Variants in WASF2 observed in about 807,000 individuals in gnomAD.
The protein encoded by WASF2 is WASP family member 2.
In WASF2, 14 loss-of-function variants were observed where a neutral mutation model predicts 45.0. The observed-to-expected ratio is 0.31, with a 90% CI of 0.21 to 0.49. WASF2 has a LOEUF of 0.49. Ranked by LOEUF, WASF2 falls within the 20% of genes least tolerant of loss-of-function variation. The pLI, the probability that WASF2 is intolerant of heterozygous loss-of-function variation, is 0.99. For synonymous variants in WASF2, 200 were observed against 236.3 expected, an observed-to-expected ratio of 0.85 and a Z score of 1.41; for missense variants, 439 against 636.1, an observed-to-expected ratio of 0.69 and a Z score of 3.33.
chr1:27,404,468 G>A lies in WASF2; in HGVS notation c.*3721C>T, dbSNP rs1479466466. ...GAGGAAAGGGTCACTTTAGGGGTCT[G>A]GCTTAACCCACTGCCTAGATCTCCA... is the stretch of plus-strand genomic sequence containing the variant. On this transcript the variant is annotated 3_prime_UTR_variant, in exon 9 of 9. Transcript: ENST00000618852. The A allele has an allele frequency of 6.6e-6, 1 of 152,134 alleles. No homozygotes were observed. Among genetic ancestry groups the A allele is most frequent in the East Asian group, 1.9e-4 (1 of 5,184 alleles). 9.4% of individuals were successfully genotyped at this position (152,134 alleles called of 1,614,324 possible).
intron 1 of WASF2, among the ~76,000 whole-genome samples, chr1:27,455,342 C>A (rs1298292236): frequency 6.6e-6 from 1 of 152,058 alleles, no homozygotes; most frequent in Non-Finnish European, 1.5e-5. Flanking sequence ...TAATAATTAA[C>A]CAGATGAAGT....
intron 2 of WASF2, among the ~76,000 whole-genome samples, chr1:27,428,250 A>G (rs2017014100): frequency 6.6e-6 from 1 of 152,210 alleles, no homozygotes; most frequent in Admixed American, 6.5e-5. Flanking sequence ...CAGGGTGGAC[A>G]AGTCAGTCAG....
rs1028315016 is a variant in WASF2, at chr1:27,461,508, T to G, written c.-44+28478A>C. ...CGGAGTCTCGCTCTGTCTCCCCGGC[T>G]GGAGTGCAGTGACGACGGATCTTGG... On this transcript the variant is annotated intron_variant, in intron 1 of 8. Transcript: ENST00000618852. Among the ~76,000 whole-genome samples the G allele has an allele frequency of 1.8e-4, 27 of 150,070 alleles. 1 individual carries two copies. The Middle Eastern group carries it at 0.01, about 57-fold the overall frequency.
intron 1 of WASF2, chr1:27,459,317 T>A (rs1440386824): frequency 1.3e-5 from 2 of 152,072 alleles, no homozygotes; most frequent in African/African-American, 2.4e-5. Context: ...TGTGCCATCA[T>A]ACCTGGCTAA....
intron 1 of WASF2, among the ~76,000 whole-genome samples, chr1:27,437,338 G>A (rs896841061): frequency 6.6e-6 from 1 of 152,146 alleles, no homozygotes; most frequent in Non-Finnish European, 1.5e-5. Flanking sequence ...TGGAAACCTG[G>A]ATTCTAGCTT....
chr1:27,419,879 G>C (rs1054204621), intron 2 of WASF2, among the ~76,000 whole-genome samples: 2 of 151,926 alleles, frequency 1.3e-5, no homozygotes, highest in Non-Finnish European at 2.9e-5. Context: ...AGGTGGGAAG[G>C]TTCCTTTATG....
chr1:27,454,485 C>G (rs2017440852), intron 1 of WASF2, among the ~76,000 whole-genome samples: 2 of 151,958 alleles, frequency 1.3e-5, no homozygotes, highest in East Asian at 3.9e-4. Context: ...CACAGGCAGG[C>G]ACCACCAATG....
At chr1:27,453,460 T>G (rs555875809) in intron 1 of WASF2, among the ~76,000 whole-genome samples, 2 of 151,244 alleles carry the variant, frequency 1.3e-5, no homozygotes, top group East Asian at 3.9e-4. Context: ...GGTGTGGTGG[T>G]GGACGCCTGT....
Position 27,410,190 on chromosome 1 carries a change from G to C in WASF2, c.841C>G (p.Gln281Glu). Residue 281 changes from glutamine to glutamate, a missense_variant, in exon 8 of 9, where the codon CAA becomes GAA. This residue lies in a region of WASF2 where 286 missense variants were observed against 373.5 expected (regional missense o/e 0.77). Transcript: ENST00000618852. This position sits in a 1 kb window ranked among gnomAD's most constrained non-coding sequence, Gnocchi z 4.2. ...PAEFSYPVDN[Q>E]RGSGLAGPKR... ...GGTCCAGCCAAACCAGATCCTCTTT[G>C]GTTGTCCACTGGGTAACTAAAAGGC... The C allele has an allele frequency of 1.2e-6, 2 of 1,614,058 alleles. No homozygotes were observed. Among genetic ancestry groups the C allele is most frequent in the African/African-American group, 1.3e-5 (1 of 74,992 alleles).
intron 1 of WASF2, among the ~76,000 whole-genome samples, chr1:27,482,222 G>C (rs1307173508): frequency 1.3e-5 from 2 of 152,198 alleles, no homozygotes; most frequent in Admixed American, 1.3e-4. Context: ...GGCCAAAAGA[G>C]AATGAAGTCT....
Position 27,414,764 on chromosome 1 carries a change from C to T in WASF2, c.668+69G>A. On this transcript the variant is annotated intron_variant, in intron 6 of 8. Coordinates refer to ENST00000618852, the MANE Select transcript of WASF2 (RefSeq NM_006990.5). This position sits in a 1 kb window ranked among gnomAD's most constrained non-coding sequence, Gnocchi z 4.1. ...TCAGGGGGTGTGAAAGGTGTCACACCAGAGCTGTCAGACTGTTGTCCCCAG... is the reference window on the plus strand; with the variant it reads ...TCAGGGGGTGTGAAAGGTGTCACACTAGAGCTGTCAGACTGTTGTCCCCAG... 6.3e-7 allele frequency: 1 copy of T among 1,579,900 alleles called. No individual in the cohort carries two copies. Among genetic ancestry groups the T allele is most frequent in the Non-Finnish European group, 8.6e-7 (1 of 1,161,626 alleles).
At chr1:27,446,932 G>A (rs2017318535) in intron 1 of WASF2, among the ~76,000 whole-genome samples, 1 of 152,128 alleles carries the variant, frequency 6.6e-6, no homozygotes, top group Non-Finnish European at 1.5e-5. Context: ...CCTGGAGTAT[G>A]CTGTTATAAC....
At chr1:27,441,139 A>C (rs1301288711) in intron 1 of WASF2, among the ~76,000 whole-genome samples, 1 of 151,342 alleles carries the variant, frequency 6.6e-6, no homozygotes, top group African/African-American at 2.4e-5. Flanking sequence ...ATGTGCTGGG[A>C]TTACAGGAGT....
chr1:27,454,376 C>T lies in WASF2; in HGVS notation c.-43-25443G>A, dbSNP rs578230024. Reference sequence around the variant, plus strand: ...CAACTAATTTTTTTTTTTTTTGAGACTGTTTTCCTGTTGTTCACGGTGAAG... The same window carrying T: ...CAACTAATTTTTTTTTTTTTTGAGATTGTTTTCCTGTTGTTCACGGTGAAG... On this transcript the variant is annotated intron_variant, in intron 1 of 8. Transcript: ENST00000618852. Among the ~76,000 whole-genome samples, 50 of 148,190 alleles carry T rather than the reference C, an allele frequency of 3.4e-4. 1 individual carries two copies. Among genetic ancestry groups the T allele is most frequent in the African/African-American group, 1.2e-3 (48 of 40,162 alleles).
Position 27,484,811 on chromosome 1 carries a change from C to CAAAAAAA in WASF2, c.-44+5168_-44+5174dup, listed in dbSNP as rs58153446. On this transcript the variant is annotated intron_variant, in intron 1 of 8. Transcript: ENST00000618852. Reference sequence around the variant, plus strand: ...TGGATGACAGAGCGAGACTCTGTCTCAAAAAAAAAAAGAATACTCTAAAGG... The same window carrying CAAAAAAA: ...TGGATGACAGAGCGAGACTCTGTCTCAAAAAAAAAAAAAAAAAAGAATACTCTAAAGG... Among the ~76,000 whole-genome samples, 19 of 124,604 alleles carry CAAAAAAA rather than the reference C, an allele frequency of 1.5e-4. No individual in the cohort carries two copies. In the East Asian group the frequency reaches 2.0e-3, roughly 13 times the overall value. The allele number at this position is 124,604 out of a possible 152,430, so 81.7% of individuals were successfully genotyped here. A position where few individuals can be genotyped will look rare whatever the true frequency, so the allele number is the denominator to read the frequency against.
chr1:27,448,757 G>A (rs1372330591), intron 1 of WASF2, among the ~76,000 whole-genome samples: 2 of 149,254 alleles, frequency 1.3e-5, no homozygotes, highest in Admixed American at 6.8e-5. Flanking sequence ...CAGGAGAATC[G>A]CTTGAACCTG....
chr1:27,477,928 A>G (rs1254243602), intron 1 of WASF2, among the ~76,000 whole-genome samples: 1 of 102,912 alleles, frequency 9.7e-6, no homozygotes, highest in Non-Finnish European at 1.8e-5. Flanking sequence ...ATAAAAAAAA[A>G]AATAAAAATA....
At chr1:27,452,900 T>C (rs1362655251) in intron 1 of WASF2, among the ~76,000 whole-genome samples, 1 of 151,422 alleles carries the variant, frequency 6.6e-6, no homozygotes, top group Admixed American at 6.6e-5. Flanking sequence ...TGTCAGTGTA[T>C]CTATCACTGT....
At chr1:27,487,157 G>T (rs1333441934) in intron 1 of WASF2, among the ~76,000 whole-genome samples, 3 of 146,672 alleles carry the variant, frequency 2.0e-5, no homozygotes, top group Non-Finnish European at 4.5e-5. Context: ...CTGGAGTGCA[G>T]TGGTGCGATC....
Sources: allele counts gnomAD v4.1 joint callset (sites outside exome capture counted in the v4.1 genomes callset), GRCh38; gene constraint gnomAD v4.1.1; regional missense constraint gnomAD v4.1.1; non-coding constraint Gnocchi (gnomAD v3.1); transcripts MANE v1.5; gene names NCBI Gene and HGNC (gene_info 2026-07-23, HGNC 2026-07-21).